Variants in TENM1 observed in about 807,000 individuals in gnomAD.
TENM1 encodes the protein teneurin-1.
Under a neutral mutation model 174.8 loss-of-function variants are expected in TENM1, and 35 were observed. The observed-to-expected ratio is 0.20, with a 90% CI of 0.15 to 0.27. The LOEUF (loss-of-function observed/expected upper bound fraction) is 0.27, where lower values mean the gene tolerates loss of function less well. Among genes scored for constraint, TENM1 ranks in the 10% least tolerant of loss-of-function variants. TENM1 has a pLI of 1.00. For missense variants in TENM1, 1,633 were observed against 2,130.1 expected, an observed-to-expected ratio of 0.77 and a Z score of 4.59; for synonymous variants, 781 against 798.7, an observed-to-expected ratio of 0.98 and a Z score of 0.37.
chrX:125,200,958 C>T, the TENM1 span, among the ~76,000 whole-genome samples: 1 of 111,657 alleles, frequency 9.0e-6, no homozygotes, highest in African/African-American at 3.3e-5. Flanking sequence ...ATGTCTATCT[C>T]TAACATAGAA....
At chrX:125,190,558 G>A in the TENM1 span, among the ~76,000 whole-genome samples, 1 of 111,347 alleles carries the variant, frequency 9.0e-6, no homozygotes, top group Non-Finnish European at 1.9e-5. Flanking sequence ...AGTGGATCTC[G>A]ATTATTTTCC....
chrX:124,560,191 T>TTGTG (rs375476919), intron 14 of TENM1, among the ~76,000 whole-genome samples: 10,208 of 88,050 alleles, frequency 0.12, 701 homozygotes, highest in East Asian at 0.42. Context: ...TCTCTTCTAT[T>TTGTG]TGTGTGTGTG....
chrX:124,539,224 C>G (rs181069337), intron 15 of TENM1, among the ~76,000 whole-genome samples: 28 of 111,537 alleles, frequency 2.5e-4, no homozygotes, highest in Non-Finnish European at 4.1e-4. Context: ...GCATAGGGGT[C>G]CAGGTGGCAA....
the TENM1 span, among the ~76,000 whole-genome samples, chrX:125,199,825 C>T: frequency 1.8e-5 from 2 of 111,488 alleles, no homozygotes; most frequent in East Asian, 2.8e-4. Context: ...GTTAGCATTG[C>T]AATTGATATA....
At chrX:125,036,717 C>T in the TENM1 span, among the ~76,000 whole-genome samples, 1 of 111,880 alleles carries the variant, frequency 8.9e-6, no homozygotes, top group Non-Finnish European at 1.9e-5. Flanking sequence ...GTGAAGCATG[C>T]TAATTTATTT....
At chrX:125,154,991 G>C in the TENM1 span, among the ~76,000 whole-genome samples, 1 of 111,710 alleles carries the variant, frequency 9.0e-6, no homozygotes, top group Non-Finnish European at 1.9e-5. Context: ...CTCCCACAGC[G>C]TGGAAGGGGA....
chrX:124,453,506 C>T lies in TENM1; in HGVS notation c.3950-15G>A, dbSNP rs374235752. Reference sequence around the variant, plus strand: ...AACTGTGATGCCTGTTGGGAAAGAGCAAATGAGCATTAGTAGTCTAGTGAA... The same window carrying T: ...AACTGTGATGCCTGTTGGGAAAGAGTAAATGAGCATTAGTAGTCTAGTGAA... On this transcript the variant is annotated splice_polypyrimidine_tract_variant and intron_variant, in intron 22 of 31. Coordinates refer to ENST00000422452, the Ensembl canonical transcript of TENM1. 2.5e-6 allele frequency: 3 copies of T among 1,195,426 alleles called. No homozygotes were observed. The highest frequency in any genetic ancestry group is 3.5e-5 in the African/African-American group (2 of 56,941).
rs146320304 is a variant in TENM1, at chrX:124,658,346, G to A, written c.1169-4563C>T. Among the ~76,000 whole-genome samples, 978 of 111,825 alleles carry A rather than the reference G, an allele frequency of 8.7e-3. 6 individuals carry two copies. Among genetic ancestry groups the A allele is most frequent in the Middle Eastern group, 0.023 (5 of 216 alleles). On this transcript the variant is annotated intron_variant, in intron 6 of 31. Transcript: ENST00000422452. ...AGAAAAAGAAAAGAATAAACCTTGCGCCTGGTGGGAACTTGGTAAACACTG... is the reference window on the plus strand; with the variant it reads ...AGAAAAAGAAAAGAATAAACCTTGCACCTGGTGGGAACTTGGTAAACACTG...
chrX:124,406,859 G>C (rs753327338), intron 25 of TENM1, among the ~76,000 whole-genome samples: 1 of 111,583 alleles, frequency 9.0e-6, no homozygotes, highest in African/African-American at 3.3e-5. Flanking sequence ...ACCCAGCAGA[G>C]GGTGCTGTTG....
At chrX:124,552,476 A>C (rs1300947384) in intron 14 of TENM1, among the ~76,000 whole-genome samples, 1 of 15,557 alleles carries the variant, frequency 6.4e-5, no homozygotes, top group Non-Finnish European at 1.1e-4. Flanking sequence ...GAGAGACTCA[A>C]GTGCACTCAG....
chrX:124,803,961 TA>T (rs1366058317), intron 3 of TENM1, among the ~76,000 whole-genome samples: 1 of 112,269 alleles, frequency 8.9e-6, no homozygotes, highest in Non-Finnish European at 1.9e-5. Context: ...TCTAAAGCAC[TA>T]AGATGTATAC....
chrX:125,172,195 C>A, the TENM1 span, among the ~76,000 whole-genome samples: 1 of 111,248 alleles, frequency 9.0e-6, no homozygotes. Context: ...TGGAATGTTT[C>A]ACGGGCCTTA....
chrX:125,035,875 T>G, the TENM1 span, among the ~76,000 whole-genome samples: 18 of 110,983 alleles, frequency 1.6e-4, no homozygotes, highest in African/African-American at 5.9e-4. Flanking sequence ...GAAGGTGTGC[T>G]GTCCTATTGT....
At chrX:124,993,807 T>A in the TENM1 span, among the ~76,000 whole-genome samples, 427 of 108,197 alleles carry the variant, frequency 3.9e-3, 1 homozygote, top group African/African-American at 0.015. Context: ...AATGCATACG[T>A]GTGCATGCAC....
chrX:124,594,521 A>T (rs1207402402), intron 11 of TENM1, among the ~76,000 whole-genome samples: 1 of 111,473 alleles, frequency 9.0e-6, no homozygotes, highest in African/African-American at 3.3e-5. Context: ...TCCCTCTTCC[A>T]GATTGTGGAT....
At chrX:125,064,313 A>T in the TENM1 span, among the ~76,000 whole-genome samples, 11 of 111,507 alleles carry the variant, frequency 9.9e-5, no homozygotes, top group Admixed American at 2.9e-4. Flanking sequence ...GTATAATAAT[A>T]AAAAAAAGAA....
At chrX:125,175,415 C>A in the TENM1 span, among the ~76,000 whole-genome samples, 1 of 110,760 alleles carries the variant, frequency 9.0e-6, no homozygotes, top group African/African-American at 3.3e-5. Context: ...TTAGTCTTAT[C>A]CAAAAAATAT....
the TENM1 span, among the ~76,000 whole-genome samples, chrX:125,080,183 A>G: frequency 9.0e-6 from 1 of 111,347 alleles, no homozygotes; most frequent in African/African-American, 3.3e-5. Context: ...GAATATATGA[A>G]AAGGCCAATA....
the TENM1 span, among the ~76,000 whole-genome samples, chrX:125,132,491 T>G: frequency 3.6e-5 from 4 of 111,986 alleles, no homozygotes; most frequent in Admixed American, 9.5e-5. Context: ...GGCACTATAA[T>G]GTTGTAGAAA....
Sources: gnomAD v4.1 joint callset for allele counts (sites outside exome capture counted in the v4.1 genomes callset) on GRCh38, gnomAD v4.1.1 for gene constraint, MANE v1.5 for transcripts, NCBI Gene and HGNC (gene_info 2026-07-23, HGNC 2026-07-21) for gene names.